The following TMEM216 variants were observed in gnomAD, a reference collection of about 807,000 sequenced individuals.
The protein encoded by TMEM216 is transmembrane protein 216, also known as cerebello-oculo-renal syndrome 2.
In TMEM216, 15 loss-of-function variants were observed where a neutral mutation model predicts 17.8. The observed-to-expected ratio is 0.84, with a 90% confidence interval of 0.56 to 1.30. TMEM216 has a LOEUF of 1.30. Among genes scored for constraint, TMEM216 ranks in the 50% most tolerant of loss-of-function variants. TMEM216 has a pLI of 0.00. For synonymous variants in TMEM216, 58 were observed against 73.5 expected, an observed-to-expected ratio of 0.79 and a Z score of 1.08; for missense variants, 160 against 175.7, an observed-to-expected ratio of 0.91 and a Z score of 0.51.
At chr11:61,392,990 TTGAC>T (rs1424670933) in intron 1 of TMEM216, 2 of 667,038 alleles carry the variant, frequency 3.0e-6, no homozygotes, top group Non-Finnish European at 3.7e-6. Context: ...GAGTTACCTC[TTGAC>T]TTTTATTCCT....
intron 2 of TMEM216, 111 bp downstream of exon 2, chr11:61,393,443 T>G: frequency 1.3e-6 from 1 of 766,332 alleles, no homozygotes; most frequent in Middle Eastern, 2.5e-4. Flanking sequence ...CTGCAGTTCT[T>G]TGTCGCTGCA....
chr11:61,393,932 T>C lies in TMEM216; in HGVS notation c.185T>C (p.Met62Thr), dbSNP rs1554972557. The C allele has an allele frequency of 6.2e-7, 1 of 1,614,052 alleles. No homozygotes were observed. ...GCTAACCTAGTACTGGATGTGGTGATGCTCCTCCTTTATCTTGGAATTGAA... is the reference window on the plus strand; with the variant it reads ...GCTAACCTAGTACTGGATGTGGTGACGCTCCTCCTTTATCTTGGAATTGAA... Reference protein sequence around the residue: ...PTANLVLDVVMLLLYLGIEVI... With the variant: ...PTANLVLDVVTLLLYLGIEVI... Residue 62 changes from methionine (M) to threonine (T), a missense_variant, in exon 3 of 5, where the codon ATG becomes ACG. Met to Thr is a moderately conservative substitution (Grantham distance 81). Coordinates refer to ENST00000515837, the MANE Select transcript of TMEM216 (RefSeq NM_001173990.3).
intron 3 of TMEM216, 105 bp downstream of exon 3, chr11:61,394,081 G>GATC (rs1191528811): frequency 2.0e-6 from 2 of 1,006,462 alleles, no homozygotes; most frequent in Non-Finnish European, 3.1e-6. Context: ...TCATAGACTG[G>GATC]ATCTGTATAT....
rs1398112924 is a variant in TMEM216, at chr11:61,392,619, G to A, written c.-13G>A. 1.1e-5 allele frequency: 17 copies of A among 1,535,238 alleles called. No individual in the cohort carries two copies. Among genetic ancestry groups the A allele is most frequent in the Middle Eastern group, 3.4e-4 (2 of 5,888 alleles). On this transcript the variant is annotated 5_prime_UTR_variant, in exon 1 of 5. Coordinates refer to ENST00000515837, the MANE Select transcript of TMEM216 (RefSeq NM_001173990.3). ...GCAGCGCCGCGCTGCTCCGGGAGCC[G>A]CTGTGGCAGCGTATGCTGCCACGGG...
intron 2 of TMEM216, among the ~76,000 whole-genome samples, chr11:61,393,678 G>T (rs183435443): frequency 6.6e-6 from 1 of 152,316 alleles, no homozygotes; most frequent in African/African-American, 2.4e-5. Flanking sequence ...AGTCCCCAGA[G>T]ACTTTTGGAG....
chr11:61,397,684 C>G, intron 3 of TMEM216, 90 bp from the exon 4 acceptor site: 1 of 1,203,934 alleles, frequency 8.3e-7, no homozygotes, highest in Non-Finnish European at 1.2e-6. Context: ...ATTTTTTGTG[C>G]CTTGCCATTC....
intron 3 of TMEM216, among the ~76,000 whole-genome samples, chr11:61,395,556 A>G (rs1394082416): frequency 1.3e-5 from 2 of 151,904 alleles, no homozygotes; most frequent in African/African-American, 4.8e-5. Context: ...CTTGGCCAAC[A>G]TGGTGGCCGT....
chr11:61,397,254 C>T (rs1420296291), intron 3 of TMEM216, among the ~76,000 whole-genome samples: 1 of 151,678 alleles, frequency 6.6e-6, no homozygotes, highest in Non-Finnish European at 1.5e-5. Flanking sequence ...GCAAGCTCCA[C>T]CTTCCGGGTT....
chr11:61,398,062 G>C, intron 4 of TMEM216, 87 bp downstream of exon 4: 1 of 1,529,064 alleles, frequency 6.5e-7, no homozygotes, highest in Non-Finnish European at 9.0e-7. Context: ...GAAGCCTAAG[G>C]GGTCTAGAAG....
chr11:61,392,931 C>T, intron 1 of TMEM216: 1 of 949,602 alleles, frequency 1.1e-6, no homozygotes, highest in Non-Finnish European at 1.3e-6. Flanking sequence ...CCCCAACTTC[C>T]CCTCCCAAAT....
At position 61,393,248 on chromosome 11, in the gene TMEM216, A is replaced by G. The variant is rs1488545832; in HGVS notation, c.52A>G (p.Thr18Ala). The change falls in exon 2 of 5, where the codon ACC becomes GCC. Residue 18 changes from threonine (T) to alanine (A), a missense_variant. Thr to Ala is a moderately conservative substitution (Grantham distance 58). Coordinates refer to ENST00000515837, the MANE Select transcript of TMEM216 (RefSeq NM_001173990.3). ...MAPRGKRLSS[T>A]PLEILFFLNG... ...TTTTTCAGGTAAACGGTTGTCCTCC[A>G]CCCCGCTGGAAATCCTGTTCTTTCT... is the stretch of plus-strand genomic sequence containing the variant. The G allele has an allele frequency of 6.5e-7, 1 of 1,535,104 alleles. No individual in the cohort carries two copies. Among genetic ancestry groups the G allele is most frequent in the Non-Finnish European group, 8.7e-7 (1 of 1,146,612 alleles).
chr11:61,393,404 C>T lies in TMEM216; in HGVS notation c.136+72C>T, dbSNP rs1315599710. Reference sequence around the variant, plus strand: ...GCTCAGAGCCAATTCCTACCAAGAACCTTCTTATTTTCCGTTCTTTTCTGC... The same window carrying T: ...GCTCAGAGCCAATTCCTACCAAGAATCTTCTTATTTTCCGTTCTTTTCTGC... On this transcript the variant is annotated intron_variant, in intron 2 of 4. Coordinates refer to ENST00000515837, the MANE Select transcript of TMEM216 (RefSeq NM_001173990.3). The T allele has an allele frequency of 6.4e-5, 71 of 1,115,696 alleles. No homozygotes were observed. In the South Asian group the frequency reaches 9.1e-4, roughly 14 times the overall value. The allele number at this position is 1,115,696 out of a possible 1,614,324, so 69.1% of individuals were successfully genotyped here.
At chr11:61,393,600 A>C (rs962968863) in intron 2 of TMEM216, among the ~76,000 whole-genome samples, 1 of 152,190 alleles carries the variant, frequency 6.6e-6, no homozygotes, top group Non-Finnish European at 1.5e-5. Flanking sequence ...CTGTAAGCCC[A>C]CTGGTGACCC....
chr11:61,392,688 G>A, intron 1 of TMEM216, 23 bp downstream of exon 1: 1 of 1,536,100 alleles, frequency 6.5e-7, no homozygotes, highest in Non-Finnish European at 8.7e-7. Context: ...AGGTGTGTGA[G>A]TCGCTGGTCC....
Position 61,393,975 on chromosome 11 carries a change from T to C in TMEM216, c.228T>C (p.Phe76=), listed in dbSNP as rs1383356739. The change falls in exon 3 of 5, where the codon TTT becomes TTC. Residue 76 remains phenylalanine, a splice_region_variant and synonymous_variant. Coordinates refer to ENST00000515837, the MANE Select transcript of TMEM216 (RefSeq NM_001173990.3). ...GAATTGAAGTAATTCGCCTGTTTTTTGGTAAGTGTTGTCCAGAGAATATTT... is the reference window on the plus strand; with the variant it reads ...GAATTGAAGTAATTCGCCTGTTTTTCGGTAAGTGTTGTCCAGAGAATATTT... ...YLGIEVIRLF[F]GTKGNLCQRK... 4.3e-6 allele frequency: 7 copies of C among 1,613,810 alleles called. No individual in the cohort carries two copies. The South Asian group carries it at 7.7e-5, about 18-fold the overall frequency.
intron 3 of TMEM216, among the ~76,000 whole-genome samples, chr11:61,396,214 C>G (rs978935520): frequency 6.6e-6 from 1 of 152,330 alleles, no homozygotes; most frequent in East Asian, 1.9e-4. Context: ...GGCATGGTGG[C>G]TCACGCCTGT....
At chr11:61,397,432 G>A (rs376801784) in intron 3 of TMEM216, among the ~76,000 whole-genome samples, 23 of 152,174 alleles carry the variant, frequency 1.5e-4, no homozygotes, top group East Asian at 1.9e-4. Context: ...CTCCCAAAGC[G>A]CTGGGATTAC....
At position 61,397,826 on chromosome 11, in the gene TMEM216, C is replaced by G; in HGVS notation, c.282C>G (p.Ala94=). The change falls in exon 4 of 5, where the codon GCC becomes GCG. Residue 94 remains alanine (A), a synonymous_variant. Transcript: ENST00000515837. The part of the protein sequence containing the change: ...QRKMPLSISV[A]LTFPSAMMAS... ...AGATGCCGCTCAGTATTAGCGTGGCCTTGACCTTCCCATCTGCCATGATGG... is the reference window on the plus strand; with the variant it reads ...AGATGCCGCTCAGTATTAGCGTGGCGTTGACCTTCCCATCTGCCATGATGG... 6.2e-7 allele frequency: 1 copy of G among 1,613,952 alleles called. No individual in the cohort carries two copies. Among genetic ancestry groups the G allele is most frequent in the Non-Finnish European group, 8.5e-7 (1 of 1,179,894 alleles).
At chr11:61,394,898 C>A (rs1858765418) in intron 3 of TMEM216, among the ~76,000 whole-genome samples, 1 of 152,156 alleles carries the variant, frequency 6.6e-6, no homozygotes. Flanking sequence ...ATCTCCTGAC[C>A]TCATGATCCA....
Sources: gnomAD v4.1 joint callset for allele counts (sites outside exome capture counted in the v4.1 genomes callset) on GRCh38, gnomAD v4.1.1 for gene constraint, MANE v1.5 for transcripts, NCBI Gene and HGNC (gene_info 2026-07-23, HGNC 2026-07-21) for gene names.